The following MIDEAS variants were observed in gnomAD, a reference collection of about 807,000 sequenced individuals.
MIDEAS encodes the protein mitotic deacetylase-associated SANT domain protein.
A neutral mutation model predicts 102.7 loss-of-function variants in MIDEAS; 26 were observed. The observed-to-expected ratio is 0.25, with a 90% CI of 0.19 to 0.35. The LOEUF (loss-of-function observed/expected upper bound fraction) is 0.35. Ranked by LOEUF, MIDEAS falls within the 10% of genes least tolerant of loss-of-function variation. The pLI is 1.00. For missense variants in MIDEAS, 1,231 were observed against 1,435.6 expected (o/e 0.86, Z 2.30); for synonymous variants, 585 against 591.0 (o/e 0.99, Z 0.15).
chr14:73,756,295 T>TGTGTGTGCGTGTGTGTGTGTGC (rs55692592), intron 1 of MIDEAS, among the ~76,000 whole-genome samples: 2 of 127,626 alleles, frequency 1.6e-5, no homozygotes, highest in African/African-American at 5.4e-5. Flanking sequence ...TGTGTGTGTG[T>TGTGTGTGCGTGTGTGTGTGTGC]GCGCGCGCGC....
At chr14:73,781,532 C>T (rs975627561) in intron 1 of MIDEAS, among the ~76,000 whole-genome samples, 8 of 151,098 alleles carry the variant, frequency 5.3e-5, no homozygotes, top group Non-Finnish European at 1.0e-4. Flanking sequence ...GTTGGGAGTT[C>T]GAGACCAGCC....
upstream of MIDEAS, among the ~76,000 whole-genome samples, chr14:73,764,054 T>G (rs1036504120): frequency 6.6e-6 from 1 of 152,176 alleles, no homozygotes; most frequent in African/African-American, 2.4e-5. Flanking sequence ...AGAACCTAGT[T>G]CCAGCCCCAG....
rs145067392 is a variant in MIDEAS at position 73,770,638 on chromosome 14, C to T, written c.-248+16464G>A. Among the ~76,000 whole-genome samples the T allele has an allele frequency of 5.7e-3, 862 of 152,302 alleles. 9 individuals carry two copies. Among genetic ancestry groups the T allele is most frequent in the African/African-American group, 0.02 (827 of 41,548 alleles). ...AAATAAACCCACACCAATTAACCTCCAGCGTCCTGGGTACTAACTATGACT... is the reference window on the plus strand; with the variant it reads ...AAATAAACCCACACCAATTAACCTCTAGCGTCCTGGGTACTAACTATGACT... On this transcript the variant is annotated intron_variant, in intron 1 of 11. Coordinates refer to the MIDEAS transcript ENST00000394071.
intron 9 of MIDEAS, chr14:73,724,707 G>C (rs1413821289): frequency 3.2e-5 from 5 of 156,280 alleles, no homozygotes; most frequent in African/African-American, 9.6e-5. Context: ...CCACAGCCCA[G>C]ATTTTGTGAG....
chr14:73,779,573 A>ATTTTT (rs1322412292), intron 1 of MIDEAS, among the ~76,000 whole-genome samples: 5 of 119,992 alleles, frequency 4.2e-5, no homozygotes, highest in East Asian at 2.3e-4. Flanking sequence ...TATTATTATT[A>ATTTTT]TTTTTTTTTT....
Position 73,726,879 on chromosome 14 carries a change from C to A in MIDEAS, c.2256G>T (p.Val752=). 6.2e-7 allele frequency: 1 copy of A among 1,613,732 alleles called. No homozygotes were observed. Among genetic ancestry groups the A allele is most frequent in the Middle Eastern group, 1.7e-4 (1 of 6,058 alleles). ...TCTCTAGGTCCTCCCATGGCTGCCA[C>A]ACCAAGTCAGCCTTGTGGGGATCTG... is the stretch of plus-strand genomic sequence containing the variant. ...AAADPHKADL[V]WQPWEDLESS... Residue 752 remains valine, a synonymous_variant, in exon 6 of 13, where the codon GTG becomes GTT. Coordinates refer to ENST00000423556, the MANE Select transcript of MIDEAS (RefSeq NM_001367710.1).
At chr14:73,741,060 AG>A (rs1010323005) in intron 1 of MIDEAS, among the ~76,000 whole-genome samples, 9 of 152,374 alleles carry the variant, frequency 5.9e-5, no homozygotes, top group African/African-American at 2.2e-4. Flanking sequence ...GGCAGGATCC[AG>A]GCCAAGAGCT....
At chr14:73,777,828 C>G (rs555380562) in intron 1 of MIDEAS, among the ~76,000 whole-genome samples, 1 of 152,128 alleles carries the variant, frequency 6.6e-6, no homozygotes, top group Non-Finnish European at 1.5e-5. Flanking sequence ...GTCCTCTCCT[C>G]TGAGCGCAGG....
chr14:73,769,759 G>A (rs1423126500), intron 1 of MIDEAS, among the ~76,000 whole-genome samples: 1 of 151,904 alleles, frequency 6.6e-6, no homozygotes, highest in Admixed American at 6.6e-5. Context: ...GCACCACCAC[G>A]CCCAGCTAAT....
chr14:73,724,597 T>C (rs1213865508), intron 9 of MIDEAS: 1 of 152,744 alleles, frequency 6.5e-6, no homozygotes, highest in Non-Finnish European at 1.5e-5. Context: ...CTTTGTCTAG[T>C]CCCCAGGGCT....
intron 1 of MIDEAS, among the ~76,000 whole-genome samples, chr14:73,770,980 G>T (rs1219353690): frequency 2.6e-5 from 4 of 152,106 alleles, no homozygotes; most frequent in African/African-American, 9.7e-5. Flanking sequence ...ACTGTAGGGC[G>T]TGAAGATGAG....
At chr14:73,773,996 TAGGTGAC>T (rs2053666236) in intron 1 of MIDEAS, among the ~76,000 whole-genome samples, 1 of 138,840 alleles carries the variant, frequency 7.2e-6, no homozygotes, top group Non-Finnish European at 1.5e-5. Flanking sequence ...CACTCCAGCC[TAGGTGAC>T]AGGGTGAGAC....
Position 73,718,948 on chromosome 14 carries a change from C to T in MIDEAS, c.3195G>A (p.Lys1065=), listed in dbSNP as rs1202633541. ...AHMKSHAEQE[K]KAAALRLKEK... ...CCTTCAGCCTCAGCGCTGCAGCCTT[C>T]TTCTCCTGCTCTGCGTGGCTCTTCA... The change falls in exon 13 of 13, where the codon AAG becomes AAA. Residue 1065 remains lysine (K), a synonymous_variant. Transcript: ENST00000423556. The T allele has an allele frequency of 1.3e-6, 2 of 1,524,624 alleles. No homozygotes were observed. Among genetic ancestry groups the T allele is most frequent in the African/African-American group, 2.8e-5 (2 of 72,090 alleles). The allele number at this position is 1,524,624 out of a possible 1,614,324, so 94.4% of individuals were successfully genotyped here. A position where few individuals can be genotyped will look rare whatever the true frequency, so the allele number is the denominator to read the frequency against.
Position 73,739,436 on chromosome 14 carries a change from T to C in MIDEAS, c.573A>G (p.Val191=), listed in dbSNP as rs371691005. The stretch of plus-strand genomic sequence containing the variant: ...AATTCAGGGGTGCCTGGGGCCGCCC[T>C]ACCTCCAGCTGCACCTTCTGTGGCA... The part of the protein sequence containing the change: ...PMMPQKVQLE[V]GRPQAPLNSF... Residue 191 remains valine, a synonymous_variant, in exon 2 of 13, where the codon GTA becomes GTG. Transcript: ENST00000423556. 6.4e-5 allele frequency: 101 copies of C among 1,588,882 alleles called. No homozygotes were observed. The highest frequency in any genetic ancestry group is 8.3e-5 in the Non-Finnish European group (97 of 1,166,460).
intron 1 of MIDEAS, among the ~76,000 whole-genome samples, chr14:73,756,321 G>A (rs2053483884): frequency 6.7e-6 from 1 of 149,834 alleles, no homozygotes; most frequent in Admixed American, 6.6e-5. Flanking sequence ...CGCTGAGGTG[G>A]AGGGAGGGTG....
chr14:73,766,262 G>A (rs2053591873), intron 1 of MIDEAS, among the ~76,000 whole-genome samples: 1 of 152,200 alleles, frequency 6.6e-6, no homozygotes, highest in African/African-American at 2.4e-5. Context: ...GCTCCTGAAG[G>A]GCACAGCCTA....
intron 1 of MIDEAS, among the ~76,000 whole-genome samples, chr14:73,769,339 G>A (rs547657192): frequency 6.6e-6 from 1 of 152,348 alleles, no homozygotes; most frequent in East Asian, 1.9e-4. Flanking sequence ...CACAGGACAT[G>A]AGCAGGGTTT....
At chr14:73,774,243 T>G (rs1357916798) in intron 1 of MIDEAS, among the ~76,000 whole-genome samples, 1 of 151,754 alleles carries the variant, frequency 6.6e-6, no homozygotes, top group Admixed American at 6.6e-5. Context: ...CCCTGTAGTC[T>G]AATCCCCTCA....
At chr14:73,756,291 T>TGCGCGCGCGC (rs769614163) in intron 1 of MIDEAS, among the ~76,000 whole-genome samples, 2 of 75,738 alleles carry the variant, frequency 2.6e-5, no homozygotes, top group African/African-American at 8.0e-5. Context: ...TGTGTGTGTG[T>TGCGCGCGCGC]GTGTGCGCGC....
Sources: allele counts gnomAD v4.1 joint callset (sites outside exome capture counted in the v4.1 genomes callset), GRCh38; gene constraint gnomAD v4.1.1; transcripts MANE v1.5; gene names NCBI Gene and HGNC (gene_info 2026-07-23, HGNC 2026-07-21).